LRRC36: variants seen among roughly 807,000 people sequenced by gnomAD.
LRRC36 encodes leucine-rich repeat-containing protein 36.
Under a neutral mutation model 81.1 loss-of-function variants are expected in LRRC36, and 62 were observed. The observed-to-expected ratio is 0.76, with a 90% CI of 0.62 to 0.94. The LOEUF (loss-of-function observed/expected upper bound fraction) is 0.94, where lower values mean the gene tolerates loss of function less well. Among genes scored for constraint, LRRC36 ranks in the 40% least tolerant of loss-of-function variants. The pLI is 0.00. For synonymous variants in LRRC36, 334 were observed against 348.6 expected, an observed-to-expected ratio of 0.96 and a Z score of 0.47; for missense variants, 761 against 881.7, an observed-to-expected ratio of 0.86 and a Z score of 1.73.
chr16:67,374,688 G>T (rs1284372414), intron 9 of LRRC36, among the ~76,000 whole-genome samples: 5 of 151,958 alleles, frequency 3.3e-5, no homozygotes, highest in African/African-American at 1.2e-4. Flanking sequence ...GAGCCACCGG[G>T]CCTGGCCTGA....
intron 8 of LRRC36, among the ~76,000 whole-genome samples, chr16:67,370,630 C>CAAAAAAAAAA (rs576313559): frequency 1.2e-5 from 1 of 82,662 alleles, no homozygotes. Flanking sequence ...GAGACTCTCT[C>CAAAAAAAAAA]AAAAAAAAAA....
chr16:67,344,734 T>C (rs1307697793), intron 2 of LRRC36, among the ~76,000 whole-genome samples: 1 of 152,076 alleles, frequency 6.6e-6, no homozygotes, highest in Non-Finnish European at 1.5e-5. Flanking sequence ...TGGAAGTTAA[T>C]GGAATTGGAG....
chr16:67,360,830 A>G (rs893564564), intron 5 of LRRC36, among the ~76,000 whole-genome samples: 5 of 152,200 alleles, frequency 3.3e-5, no homozygotes, highest in Admixed American at 2.6e-4. Context: ...GATGAAAGTG[A>G]GCATAAGAGC....
chr16:67,358,921 G>A (rs532563047), intron 5 of LRRC36, among the ~76,000 whole-genome samples: 1 of 152,212 alleles, frequency 6.6e-6, no homozygotes, highest in Non-Finnish European at 1.5e-5. Context: ...AAGGGGAGGA[G>A]CAGAAAAGAT....
At chr16:67,368,937 A>G (rs985760477) in intron 8 of LRRC36, among the ~76,000 whole-genome samples, 6 of 152,214 alleles carry the variant, frequency 3.9e-5, no homozygotes, top group Non-Finnish European at 2.9e-5. Flanking sequence ...TAACTAGAAG[A>G]ACAGAGCTTT....
intron 2 of LRRC36, among the ~76,000 whole-genome samples, chr16:67,344,003 G>C (rs1025763268): frequency 6.6e-6 from 1 of 151,866 alleles, no homozygotes; most frequent in Non-Finnish European, 1.5e-5. Flanking sequence ...TTTTAGTAAA[G>C]ACAGGGTTTC....
At chr16:67,376,921 C>T (rs1170445275) in intron 11 of LRRC36, 49 bp downstream of exon 11, 2 of 1,553,000 alleles carry the variant, frequency 1.3e-6, no homozygotes, top group East Asian at 2.3e-5. Flanking sequence ...AGCAGAACTA[C>T]AACATCTCTG....
intron 2 of LRRC36, 90 bp downstream of exon 2, chr16:67,342,174 A>G: frequency 1.2e-6 from 1 of 830,558 alleles, no homozygotes; most frequent in Non-Finnish European, 1.7e-6. Context: ...ATCCTGGGGA[A>G]TATAAGACCT....
At chr16:67,353,908 T>G (rs1567481083) in intron 5 of LRRC36, among the ~76,000 whole-genome samples, 1 of 152,152 alleles carries the variant, frequency 6.6e-6, no homozygotes, top group Admixed American at 6.6e-5. Context: ...ACTCCTTCAA[T>G]TCATTTTGTA....
rs1423241007 is a variant in LRRC36 at position 67,367,151 on chromosome 16, G to A, written c.889G>A (p.Asp297Asn). The change falls in exon 8 of 14, where the codon GAT (aspartate) becomes AAT (asparagine). Residue 297 changes from aspartate (D) to asparagine (N), a missense_variant. Coordinates refer to ENST00000329956, the MANE Select transcript of LRRC36 (RefSeq NM_018296.6). Reference protein sequence around the residue: ...SPEKELIPKPDTFHLTHDASL... With the variant: ...SPEKELIPKPNTFHLTHDASL... ...AGAAAAGGAATTGATACCAAAACCT[G>A]ATACTTTTCATCTTACCCATGATGC... 3 of 1,614,010 alleles carry A rather than the reference G, an allele frequency of 1.9e-6. No homozygotes were observed. The East Asian group carries it at 6.7e-5, about 36-fold the overall frequency.
chr16:67,367,259 TA>T lies in LRRC36; in HGVS notation c.998del (p.Tyr333LeufsTer30). 1 of 1,614,184 alleles carries T rather than the reference TA, an allele frequency of 6.2e-7. No homozygotes were observed. The highest frequency in any genetic ancestry group is 8.5e-7 in the Non-Finnish European group (1 of 1,180,022). On this transcript the variant is annotated frameshift_variant, in exon 8 of 14. Coordinates refer to ENST00000329956, the MANE Select transcript of LRRC36 (RefSeq NM_018296.6). LOFTEE classifies it high-confidence loss of function. ...ACCTTCAGATGTTGGTCTGGAAAATTATGACAGTTGTTATTCTCAAACTCTA... is the reference window on the plus strand; with the variant it reads ...ACCTTCAGATGTTGGTCTGGAAAATTTGACAGTTGTTATTCTCAAACTCTA... ...QLPSDVGLENYDSCYSQTLSL... is the reference protein window; with the variant it reads ...QLPSDVGLENXDSCYSQTLSL...
At chr16:67,366,957 C>T (rs1221568740) in intron 7 of LRRC36, 60 bp from the exon 8 acceptor site, 1 of 1,371,702 alleles carries the variant, frequency 7.3e-7, no homozygotes, top group African/African-American at 1.4e-5. Flanking sequence ...CAGAGGTACT[C>T]CCAGCTAGGC....
intron 12 of LRRC36, among the ~76,000 whole-genome samples, chr16:67,380,118 G>C (rs2040055471): frequency 6.6e-6 from 1 of 152,148 alleles, no homozygotes; most frequent in Admixed American, 6.5e-5. Context: ...TGATGGAGCT[G>C]AGAGTCCTAA....
At chr16:67,368,771 A>C (rs751358511) in intron 8 of LRRC36, among the ~76,000 whole-genome samples, 1 of 152,190 alleles carries the variant, frequency 6.6e-6, no homozygotes, top group Non-Finnish European at 1.5e-5. Context: ...GTAACAGATG[A>C]TGATGGCTTG....
At chr16:67,360,857 G>A (rs1335512470) in intron 5 of LRRC36, among the ~76,000 whole-genome samples, 1 of 152,138 alleles carries the variant, frequency 6.6e-6, no homozygotes, top group Non-Finnish European at 1.5e-5. Flanking sequence ...TTTGACAAAG[G>A]CCCAAATTCT....
At chr16:67,332,924 T>C (rs2037569083) in intron 1 of LRRC36, among the ~76,000 whole-genome samples, 1 of 151,784 alleles carries the variant, frequency 6.6e-6, no homozygotes, top group South Asian at 2.1e-4. Flanking sequence ...CATGGTCTTA[T>C]TCTGTTGCCC....
chr16:67,352,341 T>C (rs977437319), intron 5 of LRRC36, among the ~76,000 whole-genome samples: 1 of 152,246 alleles, frequency 6.6e-6, no homozygotes, highest in Admixed American at 6.5e-5. Context: ...GGTTATGCCA[T>C]GTTAATGGCC....
At chr16:67,372,777 T>G (rs549065713) in intron 9 of LRRC36, among the ~76,000 whole-genome samples, 1 of 152,152 alleles carries the variant, frequency 6.6e-6, no homozygotes, top group Non-Finnish European at 1.5e-5. Context: ...GTTTGGAGTG[T>G]TTTTTTGTTT....
At chr16:67,373,580 C>T (rs1241324383) in intron 9 of LRRC36, among the ~76,000 whole-genome samples, 3 of 151,454 alleles carry the variant, frequency 2.0e-5, no homozygotes, top group African/African-American at 4.9e-5. Context: ...TGGTGATGCA[C>T]GCCTGTAGTC....
Sources: allele counts gnomAD v4.1 joint callset (sites outside exome capture counted in the v4.1 genomes callset), GRCh38; gene constraint gnomAD v4.1.1; transcripts MANE v1.5; gene names NCBI Gene and HGNC (gene_info 2026-07-23, HGNC 2026-07-21).